The following EPHA6 variants were observed in gnomAD, a reference collection of about 807,000 sequenced individuals.
The protein encoded by EPHA6 is EPH receptor A6, also known as ephrin type-A receptor 6.
Under a neutral mutation model 112.0 loss-of-function variants are expected in EPHA6, and 50 were observed. The observed-to-expected ratio is 0.45, with a 90% CI of 0.36 to 0.56. The LOEUF (loss-of-function observed/expected upper bound fraction) is 0.56, where lower values mean the gene tolerates loss of function less well. Ranked by LOEUF, EPHA6 falls within the 20% of genes least tolerant of loss-of-function variation. The pLI, the probability that EPHA6 is intolerant of heterozygous loss-of-function variation, is 0.00. For synonymous variants in EPHA6, 529 were observed against 490.7 expected (o/e 1.08, Z -1.03); for missense variants, 1,280 against 1,417.4 (o/e 0.90, Z 1.56).
At chr3:97,376,607 A>C (rs1333458094) in intron 5 of EPHA6, among the ~76,000 whole-genome samples, 1 of 152,178 alleles carries the variant, frequency 6.6e-6, no homozygotes, top group African/African-American at 2.4e-5. Flanking sequence ...CCATAGTCTA[A>C]TTTTGATTCA....
At chr3:97,186,489 C>T (rs2077141252) in intron 3 of EPHA6, among the ~76,000 whole-genome samples, 1 of 152,120 alleles carries the variant, frequency 6.6e-6, no homozygotes, top group Admixed American at 6.5e-5. Flanking sequence ...TTGATCTTAT[C>T]AAGCTTCTTG....
intron 1 of EPHA6, among the ~76,000 whole-genome samples, chr3:96,862,274 T>C (rs568247893): frequency 7.2e-5 from 11 of 152,038 alleles, no homozygotes; most frequent in African/African-American, 2.6e-4. Context: ...GTGTTACAGT[T>C]AGTGGAACAT....
At chr3:97,056,213 A>G (rs150851432) in intron 3 of EPHA6, among the ~76,000 whole-genome samples, 2 of 152,240 alleles carry the variant, frequency 1.3e-5, no homozygotes, top group East Asian at 1.9e-4. Context: ...CCTTACGTCT[A>G]TTGGTGCTAC....
chr3:97,563,313 G>A (rs1218164231), intron 11 of EPHA6, among the ~76,000 whole-genome samples: 2 of 152,160 alleles, frequency 1.3e-5, no homozygotes, highest in African/African-American at 4.8e-5. Flanking sequence ...TCTGTGGGAA[G>A]TATACTCCAT....
chr3:96,969,607 C>T (rs1208921457), intron 2 of EPHA6, among the ~76,000 whole-genome samples: 1 of 151,880 alleles, frequency 6.6e-6, no homozygotes, highest in Non-Finnish European at 1.5e-5. Context: ...GAATCATAAT[C>T]TTAACTTAAA....
chr3:97,130,613 T>A (rs2048311889), intron 3 of EPHA6, among the ~76,000 whole-genome samples: 1 of 152,160 alleles, frequency 6.6e-6, no homozygotes, highest in Non-Finnish European at 1.5e-5. Flanking sequence ...CTTATACACA[T>A]CCTAATTTGT....
rs538195607 is a variant in EPHA6, at chr3:97,589,621, G to A, written c.2387-2991G>A. ...ATGCCTTTCCTCAGTCCTAATTTGC[G>A]ACTCTCCCTACTGGGAAAGTTATCA... On this transcript the variant is annotated intron_variant, in intron 11 of 17. Transcript: ENST00000389672. Among the ~76,000 whole-genome samples the A allele has an allele frequency of 8.9e-4, 135 of 152,158 alleles. 1 individual carries two copies. Among genetic ancestry groups the A allele is most frequent in the African/African-American group, 2.6e-3 (109 of 41,508 alleles).
intron 10 of EPHA6, among the ~76,000 whole-genome samples, chr3:97,514,785 C>T (rs994135857): frequency 3.3e-5 from 5 of 152,124 alleles, no homozygotes; most frequent in African/African-American, 1.2e-4. Context: ...CACACTCATG[C>T]ACCTAGGAAA....
Position 96,866,865 on chromosome 3 carries a change from A to G in EPHA6, c.426A>G (p.Gly142=). 6.7e-7 allele frequency: 1 copy of G among 1,483,044 alleles called. No individual in the cohort carries two copies. The allele number at this position is 1,483,044 out of a possible 1,614,324, so 91.9% of individuals were successfully genotyped here. ...LDTTTVLGEL[G]WKTYPLNGWD... The stretch of plus-strand genomic sequence containing the variant: ...CAACAACTGTACTGGGAGAGCTAGG[A>G]TGGAAAACATATCCATTAAATGGGG... Residue 142 remains glycine, a synonymous_variant, in exon 2 of 18, where the codon GGA becomes GGG. Transcript: ENST00000389672.
intron 3 of EPHA6, among the ~76,000 whole-genome samples, chr3:97,205,936 T>C (rs1411049200): frequency 6.6e-6 from 1 of 152,088 alleles, no homozygotes; most frequent in Non-Finnish European, 1.5e-5. Context: ...AATTCAGACT[T>C]ACAGGAGTTA....
intron 2 of EPHA6, among the ~76,000 whole-genome samples, chr3:96,901,956 C>T (rs544095388): frequency 2.6e-5 from 4 of 152,230 alleles, no homozygotes; most frequent in African/African-American, 9.6e-5. Context: ...TACTTTTTAA[C>T]TATTGTGCTT....
chr3:96,928,152 T>A (rs2040135796), intron 2 of EPHA6, among the ~76,000 whole-genome samples: 1 of 151,606 alleles, frequency 6.6e-6, no homozygotes, highest in Non-Finnish European at 1.5e-5. Context: ...ATAATTCAGA[T>A]GAGATTTGTG....
At chr3:97,403,629 G>T (rs1009128397) in intron 5 of EPHA6, among the ~76,000 whole-genome samples, 1 of 152,156 alleles carries the variant, frequency 6.6e-6, no homozygotes, top group East Asian at 1.9e-4. Context: ...TGTATTTTTA[G>T]TAGAGACGGG....
intron 2 of EPHA6, among the ~76,000 whole-genome samples, chr3:96,974,564 A>G (rs2042446922): frequency 6.6e-6 from 1 of 151,932 alleles, no homozygotes; most frequent in Non-Finnish European, 1.5e-5. Flanking sequence ...AGTAGAAAAG[A>G]GCTCAGTAAA....
intron 3 of EPHA6, among the ~76,000 whole-genome samples, chr3:97,008,933 A>G (rs2043982446): frequency 1.3e-5 from 2 of 151,992 alleles, no homozygotes; most frequent in South Asian, 2.1e-4. Flanking sequence ...TGCCTTATTC[A>G]TCTGATTCGC....
At chr3:97,299,895 T>C (rs1001216213) in intron 5 of EPHA6, among the ~76,000 whole-genome samples, 6 of 152,214 alleles carry the variant, frequency 3.9e-5, no homozygotes, top group Non-Finnish European at 8.8e-5. Context: ...CTTTAGAGAA[T>C]AGGGTGGTTT....
At chr3:97,320,368 T>G (rs1378371320) in intron 5 of EPHA6, among the ~76,000 whole-genome samples, 4 of 151,928 alleles carry the variant, frequency 2.6e-5, no homozygotes, top group Admixed American at 1.3e-4. Context: ...TAAAACCTTA[T>G]TTTTATAAAA....
At chr3:96,839,337 G>A (rs1397939271) in intron 1 of EPHA6, among the ~76,000 whole-genome samples, 1 of 152,000 alleles carries the variant, frequency 6.6e-6, no homozygotes, top group African/African-American at 2.4e-5. Context: ...CACATGTGAG[G>A]GATCTAGGTT....
intron 1 of EPHA6, among the ~76,000 whole-genome samples, chr3:96,864,528 C>A (rs1428873640): frequency 2.6e-5 from 4 of 151,838 alleles, no homozygotes; most frequent in Non-Finnish European, 5.9e-5. Flanking sequence ...TTAGTGGTTA[C>A]CAGAGGATGG....
Sources: gnomAD v4.1 joint callset for allele counts (sites outside exome capture counted in the v4.1 genomes callset) on GRCh38, gnomAD v4.1.1 for gene constraint, MANE v1.5 for transcripts, NCBI Gene and HGNC (gene_info 2026-07-23, HGNC 2026-07-21) for gene names.